The following CECR2 variants were observed in gnomAD, a reference collection of about 807,000 sequenced individuals.
CECR2 encodes the protein chromatin remodeling regulator CECR2.
CECR2 carries 30 observed loss-of-function variants against 154.5 expected under a neutral mutation model. The observed-to-expected ratio is 0.19, with a 90% CI of 0.15 to 0.26. CECR2 has a LOEUF of 0.26. CECR2 is among the 10% of genes least tolerant of loss of function. The pLI, the probability that CECR2 is intolerant of heterozygous loss-of-function variation, is 1.00. For synonymous variants in CECR2, 725 were observed against 683.7 expected (o/e 1.06, Z -0.94); for missense variants, 1,743 against 1,829.3 (o/e 0.95, Z 0.86).
At chr22:17,435,699 A>AAC (rs936449616) in intron 1 of CECR2, among the ~76,000 whole-genome samples, 1 of 149,582 alleles carries the variant, frequency 6.7e-6, no homozygotes, top group African/African-American at 2.5e-5. Flanking sequence ...AAAAAAAAAA[A>AAC]AAAAAAAAAA....
intron 1 of CECR2, among the ~76,000 whole-genome samples, chr22:17,442,910 A>G (rs934634184): frequency 3.3e-5 from 5 of 152,284 alleles, no homozygotes; most frequent in Admixed American, 1.3e-4. Flanking sequence ...TTGCTTCATG[A>G]CTGAATGAGT....
chr22:17,391,683 A>G (rs1339564357), intron 1 of CECR2, among the ~76,000 whole-genome samples: 1 of 152,270 alleles, frequency 6.6e-6, no homozygotes, highest in Non-Finnish European at 1.5e-5. Context: ...GGGAGAAAGG[A>G]ATTAACTGAC....
chr22:17,382,126 G>A (rs528527548), intron 1 of CECR2, among the ~76,000 whole-genome samples: 7 of 151,710 alleles, frequency 4.6e-5, no homozygotes, highest in Non-Finnish European at 7.4e-5. Flanking sequence ...TCCTGACCTT[G>A]TGATCCGCCC....
chr22:17,411,948 T>C (rs1200098122), intron 1 of CECR2, among the ~76,000 whole-genome samples: 2 of 152,190 alleles, frequency 1.3e-5, no homozygotes, highest in Non-Finnish European at 2.9e-5. Flanking sequence ...CTGTCACTTA[T>C]GCCCTGTTGT....
chr22:17,381,465 A>C (rs1232840805), intron 1 of CECR2, among the ~76,000 whole-genome samples: 3 of 151,936 alleles, frequency 2.0e-5, no homozygotes, highest in African/African-American at 7.3e-5. Context: ...ATAACCCTGG[A>C]TTTTCATCGC....
intron 1 of CECR2, among the ~76,000 whole-genome samples, chr22:17,397,224 C>G (rs549668288): frequency 1.3e-5 from 2 of 152,242 alleles, no homozygotes; most frequent in East Asian, 3.9e-4. Context: ...GCAACCTCCA[C>G]CTCCCAGGTT....
In CECR2 at chr22:17,548,762, C is replaced by T. The variant is rs1431703160; in HGVS notation, c.3475C>T (p.Pro1159Ser). ...CCCAGCATCCCATCCCCAGCATTTT[C>T]CCCCAAGGGGCTTTCAGTCTAACCA... is the stretch of plus-strand genomic sequence containing the variant. ...KSPASHPQHF[P>S]PRGFQSNHPH... Residue 1159 changes from proline to serine, a missense_variant, in exon 17 of 19, where the codon CCC (proline) becomes TCC (serine). Transcript: ENST00000262608. The T allele has an allele frequency of 1.2e-6, 2 of 1,613,598 alleles. No individual in the cohort carries two copies. Among genetic ancestry groups the T allele is most frequent in the Non-Finnish European group, 1.7e-6 (2 of 1,179,848 alleles).
intron 1 of CECR2, among the ~76,000 whole-genome samples, chr22:17,435,867 T>C (rs559478095): frequency 1.3e-5 from 2 of 152,242 alleles, no homozygotes; most frequent in South Asian, 4.2e-4. Context: ...AGCTATGAAT[T>C]ATCAGTCATC....
chr22:17,523,004 C>CAGG (rs2056183564), intron 8 of CECR2, among the ~76,000 whole-genome samples: 1 of 131,420 alleles, frequency 7.6e-6, no homozygotes, highest in African/African-American at 2.7e-5. Context: ...GACTCCATCT[C>CAGG]GGGGGGAAAA....
At position 17,543,008 on chromosome 22, in the gene CECR2, T is replaced by C; in HGVS notation, c.2860+5T>C. 6.3e-7 allele frequency: 1 copy of C among 1,593,730 alleles called. No homozygotes were observed. The highest frequency in any genetic ancestry group is 8.6e-7 in the Non-Finnish European group (1 of 1,168,818). The stretch of plus-strand genomic sequence containing the variant: ...AAGAGCCTGAGAATGACCAAGGTAA[T>C]TTACACTGTCACTTTGGGCTCTTTA... On this transcript the variant is annotated splice_donor_5th_base_variant and intron_variant, in intron 16 of 18. Coordinates refer to ENST00000262608, the MANE Select transcript of CECR2 (RefSeq NM_001290047.2).
intron 1 of CECR2, among the ~76,000 whole-genome samples, chr22:17,421,247 C>T (rs996071207): frequency 2.6e-5 from 4 of 152,112 alleles, no homozygotes; most frequent in South Asian, 2.1e-4. Context: ...GTTGGGAGGC[C>T]GAGGTGGCGG....
chr22:17,415,283 G>A (rs2054140128), intron 1 of CECR2, among the ~76,000 whole-genome samples: 1 of 151,894 alleles, frequency 6.6e-6, no homozygotes, highest in African/African-American at 2.4e-5. Flanking sequence ...TGTCGCCCAG[G>A]CTGGAATGCA....
chr22:17,490,507 T>C (rs1295077238), intron 2 of CECR2, among the ~76,000 whole-genome samples: 1 of 152,188 alleles, frequency 6.6e-6, no homozygotes, highest in Non-Finnish European at 1.5e-5. Context: ...TGATCTCAGC[T>C]CACTGCAACC....
intron 1 of CECR2, among the ~76,000 whole-genome samples, chr22:17,373,995 G>A (rs978196827): frequency 1.5e-4 from 23 of 152,276 alleles, no homozygotes; most frequent in African/African-American, 5.1e-4. Flanking sequence ...AGCCAAATGC[G>A]CTGTACAGTA....
intron 1 of CECR2, among the ~76,000 whole-genome samples, chr22:17,395,541 C>CA (rs2146518551): frequency 6.6e-6 from 1 of 152,180 alleles, no homozygotes; most frequent in East Asian, 1.9e-4. Context: ...GACAAGGTTT[C>CA]ACCATCTTGG....
At chr22:17,433,122 G>A (rs1470090076) in intron 1 of CECR2, among the ~76,000 whole-genome samples, 1 of 152,282 alleles carries the variant, frequency 6.6e-6, no homozygotes, top group Non-Finnish European at 1.5e-5. Context: ...TGGCAAACTG[G>A]AGAGTTAATT....
intron 1 of CECR2, among the ~76,000 whole-genome samples, chr22:17,375,663 T>C (rs2063110279): frequency 6.6e-6 from 1 of 151,962 alleles, no homozygotes. Flanking sequence ...AAAGTGATTT[T>C]TAAAATAGTG....
intron 9 of CECR2, among the ~76,000 whole-genome samples, chr22:17,525,920 A>C (rs1404114362): frequency 1.3e-5 from 2 of 152,164 alleles, no homozygotes; most frequent in African/African-American, 4.8e-5. Flanking sequence ...CAGAAGTCAC[A>C]AATAAAATTA....
chr22:17,408,110 A>G (rs955233648), intron 1 of CECR2, among the ~76,000 whole-genome samples: 3 of 152,154 alleles, frequency 2.0e-5, no homozygotes, highest in Non-Finnish European at 4.4e-5. Context: ...ATTCAGTCAC[A>G]TTTAGTGAAT....
Sources: allele counts gnomAD v4.1 joint callset (sites outside exome capture counted in the v4.1 genomes callset), GRCh38; gene constraint gnomAD v4.1.1; transcripts MANE v1.5; gene names NCBI Gene and HGNC (gene_info 2026-07-23, HGNC 2026-07-21).